Variants in KLF3 observed in about 807,000 individuals in gnomAD.
KLF3 encodes the protein KLF transcription factor 3.
KLF3 carries 6 observed loss-of-function variants against 32.7 expected under a neutral mutation model. The observed-to-expected ratio is 0.18, with a 90% confidence interval of 0.10 to 0.36. KLF3 has a LOEUF of 0.36. KLF3 is among the 10% of genes least tolerant of loss of function. The pLI, the probability that KLF3 is intolerant of heterozygous loss-of-function variation, is 1.00. For synonymous variants in KLF3, 145 were observed against 172.8 expected, an observed-to-expected ratio of 0.84 and a Z score of 1.26; for missense variants, 338 against 449.7, an observed-to-expected ratio of 0.75 and a Z score of 2.25.
At chr4:38,683,212 A>G (rs1722581722) in intron 2 of KLF3, among the ~76,000 whole-genome samples, 1 of 152,232 alleles carries the variant, frequency 6.6e-6, no homozygotes, top group Non-Finnish European at 1.5e-5. Context: ...AAGGCACAAT[A>G]GGACATTTGT....
At chr4:38,681,544 CA>C (rs1387879220) in intron 2 of KLF3, among the ~76,000 whole-genome samples, 1 of 152,178 alleles carries the variant, frequency 6.6e-6, no homozygotes, top group Admixed American at 6.5e-5. Context: ...TTTAGGCCGC[CA>C]GGGACTAGTG....
chr4:38,681,013 C>G, intron 2 of KLF3: 1 of 166,528 alleles, frequency 6.0e-6, no homozygotes, highest in Non-Finnish European at 1.3e-5. Flanking sequence ...TAGCAGAGAT[C>G]GCACCATTGC....
chr4:38,688,809 G>A lies in KLF3; in HGVS notation c.282G>A (p.Gly94=). 1 of 1,614,218 alleles carries A rather than the reference G, an allele frequency of 6.2e-7. No individual in the cohort carries two copies. Among genetic ancestry groups the A allele is most frequent in the Non-Finnish European group, 8.5e-7 (1 of 1,180,044 alleles). ...CCTCACACCGGAGAGCCTCGCCTGG[G>A]TTGAGCATGCCTTCTTCCAGCCCAC... ...FPSSHRRASP[G]LSMPSSSPPI... The change falls in exon 3 of 6, where the codon GGG becomes GGA. Residue 94 remains glycine (G), a synonymous_variant. Coordinates refer to ENST00000261438, the MANE Select transcript of KLF3 (RefSeq NM_016531.6). The surrounding 1 kb of genome is among the most constrained non-coding windows in gnomAD (Gnocchi z 4.9).
chr4:38,687,946 C>T (rs1410774783), intron 2 of KLF3, among the ~76,000 whole-genome samples: 1 of 152,158 alleles, frequency 6.6e-6, no homozygotes, highest in Non-Finnish European at 1.5e-5. Context: ...TCCACGCTGA[C>T]TAGGATTGTT....
chr4:38,667,244 A>G (rs1233333764), intron 1 of KLF3, among the ~76,000 whole-genome samples: 1 of 152,210 alleles, frequency 6.6e-6, no homozygotes, highest in Admixed American at 6.5e-5. Context: ...TCTCTCCAGC[A>G]CAGCCAGCAG....
At chr4:38,668,231 A>G (rs1205527099) in intron 1 of KLF3, among the ~76,000 whole-genome samples, 2 of 152,210 alleles carry the variant, frequency 1.3e-5, no homozygotes, top group Non-Finnish European at 2.9e-5. Flanking sequence ...ACCTGCCTTA[A>G]TATTAGTTTT....
At chr4:38,685,003 G>T (rs2109248817) in intron 2 of KLF3, among the ~76,000 whole-genome samples, 1 of 152,310 alleles carries the variant, frequency 6.6e-6, no homozygotes. Flanking sequence ...GGCACTGGAG[G>T]TCCATCCGTG....
chr4:38,691,641 A>G (rs1722881648), intron 4 of KLF3, among the ~76,000 whole-genome samples: 1 of 152,240 alleles, frequency 6.6e-6, no homozygotes, highest in African/African-American at 2.4e-5. Flanking sequence ...TTTAAGTAAT[A>G]TTCTTTTGAT....
chr4:38,674,613 C>T lies in KLF3; in HGVS notation c.-39-5974C>T, dbSNP rs2109240683. 6.6e-6 allele frequency among the ~76,000 whole-genome samples: 1 copy of T among 152,082 alleles called. No homozygotes were observed. The highest frequency in any genetic ancestry group is 6.5e-5 in the Admixed American group (1 of 15,272). ...AGGTCAGCTGGGAGACGGAAGTTTG[C>T]TTGGAGGAAGGCAGGTGATTTGGAG... On this transcript the variant is annotated intron_variant, in intron 1 of 5. Coordinates refer to ENST00000261438, the MANE Select transcript of KLF3 (RefSeq NM_016531.6). This position sits in a 1 kb window ranked among gnomAD's most constrained non-coding sequence, Gnocchi z 4.1.
At position 38,699,812 on chromosome 4, in the gene KLF3, T is replaced by G. The variant is rs796072059; in HGVS notation, c.*2549T>G. On this transcript the variant is annotated 3_prime_UTR_variant, in exon 6 of 6. Transcript: ENST00000261438. Reference sequence around the variant, plus strand: ...ATTACCAATTGGCCCTTACCAAACTTTTCTTATATATATATTTGTATTTTA... The same window carrying G: ...ATTACCAATTGGCCCTTACCAAACTGTTCTTATATATATATTTGTATTTTA... The G allele has an allele frequency of 5.3e-5, 8 of 152,294 alleles. No individual in the cohort carries two copies. Among genetic ancestry groups the G allele is most frequent in the African/African-American group, 1.9e-4 (8 of 41,550 alleles). The allele number at this position is 152,294 out of a possible 1,614,324, so 9.4% of individuals were successfully genotyped here.
chr4:38,680,111 T>C (rs1407039336), intron 1 of KLF3, among the ~76,000 whole-genome samples: 1 of 152,174 alleles, frequency 6.6e-6, no homozygotes, highest in Non-Finnish European at 1.5e-5. Context: ...GTAAATGGCA[T>C]CTTTCATAGG....
chr4:38,674,756 G>A lies in KLF3; in HGVS notation c.-39-5831G>A, dbSNP rs1421730563. 2.9e-5 allele frequency among the ~76,000 whole-genome samples: 4 copies of A among 138,430 alleles called. No homozygotes were observed. The highest frequency in any genetic ancestry group is 8.6e-5 in the African/African-American group (3 of 34,844). The allele number at this position is 138,430 out of a possible 152,430, so 90.8% of individuals were successfully genotyped here. ...GGAGATGAGAAGGGAGAACGTCAGA[G>A]GCAGGTCTTGCTCTAACCCCAAGAA... is the stretch of plus-strand genomic sequence containing the variant. On this transcript the variant is annotated intron_variant, in intron 1 of 5. Transcript: ENST00000261438. The surrounding 1 kb of genome is among the most constrained non-coding windows in gnomAD (Gnocchi z 4.1).
At position 38,697,045 on chromosome 4, in the gene KLF3, G is replaced by GA. The variant is rs749003979; in HGVS notation, c.857-27dup. 8.2e-3 allele frequency: 10,800 copies of GA among 1,322,030 alleles called. 1 individual carries two copies. Among genetic ancestry groups the GA allele is most frequent in the South Asian group, 0.011 (752 of 66,334 alleles). The allele number at this position is 1,322,030 out of a possible 1,614,324, so 81.9% of individuals were successfully genotyped here. A position where few individuals can be genotyped will look rare whatever the true frequency, so the allele number is the denominator to read the frequency against. ...CTCAAAGATCTTTACTACCTTTACA[G>GA]AAAAAAAAAATAGCTCTTTTCTTTT... is the stretch of plus-strand genomic sequence containing the variant. On this transcript the variant is annotated intron_variant, in intron 5 of 5. Transcript: ENST00000261438.
chr4:38,690,332 G>C (rs1175938445), intron 4 of KLF3: 4 of 154,036 alleles, frequency 2.6e-5, no homozygotes, highest in African/African-American at 7.2e-5. Flanking sequence ...GTGCAGTGTT[G>C]GTCAGCATCC....
intron 4 of KLF3, among the ~76,000 whole-genome samples, chr4:38,693,546 G>A (rs750003121): frequency 2.4e-4 from 36 of 151,840 alleles, no homozygotes; most frequent in Non-Finnish European, 4.0e-4. Flanking sequence ...TTAAGCTCAC[G>A]AGTTAGAGTG....
Position 38,700,790 on chromosome 4 carries a change from T to C in KLF3, c.*3527T>C, listed in dbSNP as rs1416737758. On this transcript the variant is annotated 3_prime_UTR_variant, in exon 6 of 6. Coordinates refer to ENST00000261438, the MANE Select transcript of KLF3 (RefSeq NM_016531.6). The stretch of plus-strand genomic sequence containing the variant: ...AATATATTTTATAAGCTAATAAGAC[T>C]GAATGGGTAAAGGTTTTTAGCATGC... 1 of 145,188 alleles carries C rather than the reference T, an allele frequency of 6.9e-6. No homozygotes were observed. Among genetic ancestry groups the C allele is most frequent in the Non-Finnish European group, 1.5e-5 (1 of 67,982 alleles). The allele number at this position is 145,188 out of a possible 1,614,324, so 9.0% of individuals were successfully genotyped here.
chr4:38,669,889 G>C (rs1370235038), intron 1 of KLF3, among the ~76,000 whole-genome samples: 1 of 39,620 alleles, frequency 2.5e-5, no homozygotes, highest in African/African-American at 1.1e-4. Flanking sequence ...GTGAGACTCT[G>C]TCTCAAAAAA....
intron 5 of KLF3, 47 bp from the exon 6 acceptor site, chr4:38,697,035 T>C: frequency 8.1e-6 from 12 of 1,479,164 alleles, no homozygotes; most frequent in Non-Finnish European, 1.1e-5. Flanking sequence ...AGATCTTTAC[T>C]ACCTTTACAG....
At position 38,669,869 on chromosome 4, in the gene KLF3, G is replaced by A. The variant is rs1299352487; in HGVS notation, c.-40+5408G>A. ...GATTGTGCCACTGCACTGCAGCCTG[G>A]GCAACAAGAGTGAGACTCTGTCTCA... On this transcript the variant is annotated intron_variant, in intron 1 of 5. Transcript: ENST00000261438. Among the ~76,000 whole-genome samples, 4 of 112,508 alleles carry A rather than the reference G, an allele frequency of 3.6e-5. No homozygotes were observed. The Admixed American group carries it at 4.1e-4, about 11-fold the overall frequency. 73.8% of individuals were successfully genotyped at this position (112,508 alleles called of 152,430 possible).
Sources: gnomAD v4.1 joint callset for allele counts (sites outside exome capture counted in the v4.1 genomes callset) on GRCh38, gnomAD v4.1.1 for gene constraint, Gnocchi (gnomAD v3.1) non-coding constraint, MANE v1.5 for transcripts, NCBI Gene and HGNC (gene_info 2026-07-23, HGNC 2026-07-21) for gene names.